Variants in THEMIS observed in about 807,000 individuals in gnomAD.
The protein encoded by THEMIS is thymocyte selection associated.
Under a neutral mutation model 52.6 loss-of-function variants are expected in THEMIS, and 37 were observed. That is an observed-to-expected ratio of 0.70 (90% CI 0.54 to 0.93). The LOEUF (loss-of-function observed/expected upper bound fraction) is 0.93, where lower values mean the gene tolerates loss of function less well. Among genes scored for constraint, THEMIS ranks in the 40% least tolerant of loss-of-function variants. The pLI is 0.00. For missense variants in THEMIS, 808 were observed against 763.1 expected (o/e 1.06, Z -0.69); for synonymous variants, 292 against 272.7 (o/e 1.07, Z -0.70).
chr6:127,777,994 C>G (rs891147633), intron 4 of THEMIS, among the ~76,000 whole-genome samples: 3 of 152,080 alleles, frequency 2.0e-5, no homozygotes, highest in African/African-American at 7.2e-5. Context: ...AAGGCTGGAC[C>G]TTGACAAATG....
At chr6:127,825,689 A>C (rs1326224182) in intron 3 of THEMIS, among the ~76,000 whole-genome samples, 1 of 152,154 alleles carries the variant, frequency 6.6e-6, no homozygotes, top group Non-Finnish European at 1.5e-5. Context: ...AGTTGGTCTC[A>C]AAAATAAGCA....
chr6:127,740,646 A>G (rs1026072317), intron 4 of THEMIS, among the ~76,000 whole-genome samples: 1 of 152,106 alleles, frequency 6.6e-6, no homozygotes, highest in African/African-American at 2.4e-5. Flanking sequence ...TTTTTTCTTT[A>G]GCTATCCGAA....
At position 127,906,428 on chromosome 6, in the gene THEMIS, T is replaced by G. The variant is rs183065971; in HGVS notation, c.-149-5347A>C. On this transcript the variant is annotated intron_variant, in intron 1 of 6. Coordinates refer to the THEMIS transcript ENST00000368250. Reference sequence around the variant, plus strand: ...CTGACAGAAAAAGCAAATATTTATTTCATAAAATTCATACTGTTAATGGTG... The same window carrying G: ...CTGACAGAAAAAGCAAATATTTATTGCATAAAATTCATACTGTTAATGGTG... Among the ~76,000 whole-genome samples, 218 of 152,104 alleles carry G rather than the reference T, an allele frequency of 1.4e-3. 2 individuals are homozygous for G. Among genetic ancestry groups the G allele is most frequent in the African/African-American group, 4.9e-3 (205 of 41,574 alleles).
At chr6:127,698,277 T>C in the THEMIS span, among the ~76,000 whole-genome samples, 3 of 152,098 alleles carry the variant, frequency 2.0e-5, no homozygotes, top group Non-Finnish European at 4.4e-5. Flanking sequence ...ACTTTTAATC[T>C]TGATATGGAA....
At chr6:127,791,250 G>A (rs985580536) in intron 4 of THEMIS, among the ~76,000 whole-genome samples, 1 of 152,130 alleles carries the variant, frequency 6.6e-6, no homozygotes, top group Non-Finnish European at 1.5e-5. Context: ...GAGACCCACA[G>A]TGGTTAGCTC....
the THEMIS span, among the ~76,000 whole-genome samples, chr6:127,697,792 C>G: frequency 2.6e-5 from 4 of 152,116 alleles, no homozygotes; most frequent in African/African-American, 4.8e-5. Flanking sequence ...ATCTGAATAG[C>G]ACTGCCACTT....
intron 2 of THEMIS, among the ~76,000 whole-genome samples, chr6:127,836,226 T>C (rs918501391): frequency 6.6e-6 from 1 of 152,142 alleles, no homozygotes; most frequent in African/African-American, 2.4e-5. Flanking sequence ...ATTGTGTTGT[T>C]CAGTATTGAT....
chr6:127,720,509 A>G (rs2114486976), intron 4 of THEMIS, among the ~76,000 whole-genome samples: 1 of 152,106 alleles, frequency 6.6e-6, no homozygotes, highest in East Asian at 1.9e-4. Context: ...AACTTCCAGT[A>G]CTTAATTAAT....
At chr6:127,873,586 T>C (rs2114393853) in intron 1 of THEMIS, among the ~76,000 whole-genome samples, 1 of 152,244 alleles carries the variant, frequency 6.6e-6, no homozygotes, top group African/African-American at 2.4e-5. Context: ...AAATTGGACA[T>C]CCATAAAATT....
intron 3 of THEMIS, 98 bp from the exon 4 acceptor site, chr6:127,814,029 T>C: frequency 9.6e-7 from 1 of 1,045,682 alleles, no homozygotes; most frequent in Non-Finnish European, 1.3e-6. Context: ...TTTTACAAAA[T>C]AAAGAACTCA....
At chr6:127,873,444 T>TTAAAGGA (rs2114393109) in intron 1 of THEMIS, among the ~76,000 whole-genome samples, 1 of 152,254 alleles carries the variant, frequency 6.6e-6, no homozygotes, top group East Asian at 1.9e-4. Context: ...GAGGAATAGA[T>TTAAAGGA]ATACGTATTA....
intron 5 of THEMIS, among the ~76,000 whole-genome samples, chr6:127,719,004 T>A (rs1242245290): frequency 6.6e-6 from 1 of 151,900 alleles, no homozygotes; most frequent in Non-Finnish European, 1.5e-5. Flanking sequence ...ACCGTATGCT[T>A]AAGAATAATT....
chr6:127,785,061 TATCTATCTACCTATC>T (rs1436656319), intron 4 of THEMIS, among the ~76,000 whole-genome samples: 1 of 151,906 alleles, frequency 6.6e-6, no homozygotes, highest in Non-Finnish European at 1.5e-5. Flanking sequence ...CCTACCTACT[TATCTATCTACCTATC>T]ATCTATCTAC....
At chr6:127,902,513 C>G (rs1222247621), upstream of THEMIS, among the ~76,000 whole-genome samples, 1 of 151,906 alleles carries the variant, frequency 6.6e-6, no homozygotes, top group Non-Finnish European at 1.5e-5. Flanking sequence ...CCATGGCCAT[C>G]ATGTAAATGA....
chr6:127,736,087 T>C (rs1444198536), intron 4 of THEMIS, among the ~76,000 whole-genome samples: 1 of 152,022 alleles, frequency 6.6e-6, no homozygotes, highest in African/African-American at 2.4e-5. Context: ...TTGTAGGGAG[T>C]GAAAGAGAGA....
intron 4 of THEMIS, among the ~76,000 whole-genome samples, chr6:127,754,187 G>T (rs1457516185): frequency 2.0e-5 from 3 of 152,058 alleles, no homozygotes; most frequent in East Asian, 1.9e-4. Context: ...TTACAAAAGG[G>T]TTGTATTTCT....
intron 4 of THEMIS, among the ~76,000 whole-genome samples, chr6:127,806,859 G>A (rs996597481): frequency 1.8e-4 from 28 of 152,140 alleles, no homozygotes; most frequent in Admixed American, 1.8e-3. Context: ...TACCTTCGAG[G>A]TTTCAGCTAT....
At chr6:127,720,488 A>G (rs1439891957) in intron 4 of THEMIS, among the ~76,000 whole-genome samples, 1 of 151,964 alleles carries the variant, frequency 6.6e-6, no homozygotes, top group African/African-American at 2.4e-5. Context: ...GAAGACTTCA[A>G]TTGGAAATTA....
chr6:127,842,474 A>C (rs1779081113), intron 2 of THEMIS, among the ~76,000 whole-genome samples: 1 of 152,038 alleles, frequency 6.6e-6, no homozygotes, highest in Non-Finnish European at 1.5e-5. Context: ...AATTTCTGTC[A>C]TCAGTTATTT....
Sources: allele counts gnomAD v4.1 joint callset (sites outside exome capture counted in the v4.1 genomes callset), GRCh38; gene constraint gnomAD v4.1.1; transcripts MANE v1.5; gene names NCBI Gene and HGNC (gene_info 2026-07-23, HGNC 2026-07-21).